KHDRBS3: variants seen among roughly 807,000 people sequenced by gnomAD.
The protein encoded by KHDRBS3 is KH domain-containing, RNA-binding, signal transduction-associated protein 3.
In KHDRBS3, 23 loss-of-function variants were observed where a neutral mutation model predicts 45.6. The ratio of observed to expected loss-of-function variants is 0.50; its 90% CI spans 0.36 to 0.72. The LOEUF is 0.72. Among genes scored for constraint, KHDRBS3 ranks in the 30% least tolerant of loss-of-function variants. The probability of loss-of-function intolerance (pLI) is 0.00; values close to 1 mark genes in which losing one functional copy is unlikely to be tolerated. For missense variants in KHDRBS3, 352 were observed against 424.8 expected (o/e 0.83, Z 1.51); for synonymous variants, 162 against 156.5 (o/e 1.04, Z -0.26).
intron 7 of KHDRBS3, chr8:135,625,416 G>A (rs554770962): frequency 5.9e-5 from 46 of 776,600 alleles, no homozygotes; most frequent in East Asian, 2.9e-4. Context: ...CTGCCTCATC[G>A]TGCCCATTGC....
intron 1 of KHDRBS3, among the ~76,000 whole-genome samples, chr8:135,501,714 GTTC>G (rs1267613841): frequency 2.0e-5 from 3 of 151,178 alleles, no homozygotes; most frequent in Non-Finnish European, 3.0e-5. Flanking sequence ...GGGATTTTTT[GTTC>G]TTCTTCTTTC....
intron 2 of KHDRBS3, among the ~76,000 whole-genome samples, chr8:135,522,741 T>C (rs12334724): frequency 0.55 from 84,110 of 152,024 alleles, 24,367 homozygotes; most frequent in East Asian, 0.78. Context: ...AATGTTAGAG[T>C]TCTTTATAAG....
At chr8:135,458,872 T>G (rs1350794377) in intron 1 of KHDRBS3, 1 of 456,236 alleles carries the variant, frequency 2.2e-6, no homozygotes, top group East Asian at 7.0e-5. Context: ...CCTGGCTTTT[T>G]CCTCCTGTGG....
chr8:135,478,473 A>G (rs942252016), intron 1 of KHDRBS3, among the ~76,000 whole-genome samples: 1 of 152,230 alleles, frequency 6.6e-6, no homozygotes, highest in African/African-American at 2.4e-5. Flanking sequence ...TTGTAAGCCA[A>G]CTAGACTCAA....
At chr8:135,565,804 C>A (rs1268148363) in intron 5 of KHDRBS3, among the ~76,000 whole-genome samples, 1 of 152,164 alleles carries the variant, frequency 6.6e-6, no homozygotes, top group East Asian at 1.9e-4. Context: ...GCTCAGCATG[C>A]CCCCTGCAGC....
At chr8:135,494,282 T>A (rs1357506041) in intron 1 of KHDRBS3, among the ~76,000 whole-genome samples, 11 of 133,596 alleles carry the variant, frequency 8.2e-5, no homozygotes, top group Admixed American at 1.5e-4. Context: ...TATTTTTTTT[T>A]TTTTTTTTTT....
intron 5 of KHDRBS3, among the ~76,000 whole-genome samples, chr8:135,576,236 C>T (rs1222157801): frequency 6.6e-6 from 1 of 152,148 alleles, no homozygotes; most frequent in Non-Finnish European, 1.5e-5. Flanking sequence ...TCTCCACTGT[C>T]GAATTCCTCA....
At chr8:135,569,902 C>A (rs1219678745) in intron 5 of KHDRBS3, among the ~76,000 whole-genome samples, 1 of 152,034 alleles carries the variant, frequency 6.6e-6, no homozygotes, top group Non-Finnish European at 1.5e-5. Context: ...ACACCAAACC[C>A]AATTCCATAC....
At chr8:135,526,787 C>A (rs1227817396) in intron 2 of KHDRBS3, among the ~76,000 whole-genome samples, 1 of 152,152 alleles carries the variant, frequency 6.6e-6, no homozygotes. Context: ...CAGCATTGGA[C>A]ACAGGAATCA....
At chr8:135,536,234 G>GTTTTTTTT (rs374782370) in intron 2 of KHDRBS3, among the ~76,000 whole-genome samples, 90 of 86,420 alleles carry the variant, frequency 1.0e-3, no homozygotes, top group Middle Eastern at 0.013. Flanking sequence ...TTTCTGTCCA[G>GTTTTTTTT]TTTTTTTTTT....
At position 135,647,203 on chromosome 8, in the gene KHDRBS3, G is replaced by T; in HGVS notation, c.*119G>T. The T allele has an allele frequency of 2.2e-5, 8 of 358,066 alleles. No homozygotes were observed. The highest frequency in any genetic ancestry group is 4.1e-5 in the Non-Finnish European group (8 of 196,726). The allele number at this position is 358,066 out of a possible 1,614,324, so 22.2% of individuals were successfully genotyped here. A position where few individuals can be genotyped will look rare whatever the true frequency, so the allele number is the denominator to read the frequency against. On this transcript the variant is annotated 3_prime_UTR_variant, in exon 9 of 9. Transcript: ENST00000355849. Reference sequence around the variant, plus strand: ...AATCAGAATGCTTAAAATCTGAATGGATGGAACTTAAAACTACTTTGTTGA... The same window carrying T: ...AATCAGAATGCTTAAAATCTGAATGTATGGAACTTAAAACTACTTTGTTGA...
intron 1 of KHDRBS3, among the ~76,000 whole-genome samples, chr8:135,469,512 TTTTTGTTTTGG>T (rs1563699565): frequency 1.3e-4 from 3 of 22,426 alleles, no homozygotes; most frequent in Non-Finnish European, 2.1e-4. Flanking sequence ...TGGTGTTTTT[TTTTTGTTTTGG>T]TTTTTTTTTT....
At chr8:135,591,877 A>G (rs1397596287) in intron 6 of KHDRBS3, among the ~76,000 whole-genome samples, 1 of 152,234 alleles carries the variant, frequency 6.6e-6, no homozygotes, top group Non-Finnish European at 1.5e-5. Context: ...GACTACTCAC[A>G]TAATTTTTGA....
chr8:135,457,824 CG>C lies in KHDRBS3; in HGVS notation c.-42del. ...TCGGGGGTTGCCGGGCGCCGCCCCC[CG>C]TGCGCCTGGAGTCCACATCCCGGGC... On this transcript the variant is annotated 5_prime_UTR_variant, in exon 1 of 9. Coordinates refer to ENST00000355849, the MANE Select transcript of KHDRBS3 (RefSeq NM_006558.3). The surrounding 1 kb of genome is among the most constrained non-coding windows in gnomAD (Gnocchi z 4.4). The C allele has an allele frequency of 7.3e-7, 1 of 1,373,826 alleles. No individual in the cohort carries two copies. The highest frequency in any genetic ancestry group is 9.8e-7 in the Non-Finnish European group (1 of 1,021,890). 85.1% of individuals were successfully genotyped at this position (1,373,826 alleles called of 1,614,324 possible).
intron 6 of KHDRBS3, among the ~76,000 whole-genome samples, chr8:135,587,657 G>T (rs1828542696): frequency 6.6e-6 from 1 of 152,034 alleles, no homozygotes; most frequent in Non-Finnish European, 1.5e-5. Flanking sequence ...AATTAATTAG[G>T]ATAACCCAGT....
intron 1 of KHDRBS3, among the ~76,000 whole-genome samples, chr8:135,473,035 AG>A (rs1033668475): frequency 6.6e-5 from 5 of 75,470 alleles, no homozygotes; most frequent in African/African-American, 2.9e-4. Flanking sequence ...TTATTTGAAA[AG>A]TTTTTTTTTT....
At chr8:135,536,966 CA>C (rs869256475) in intron 2 of KHDRBS3, among the ~76,000 whole-genome samples, 9 of 11,780 alleles carry the variant, frequency 7.6e-4, no homozygotes, top group African/African-American at 1.2e-3. Flanking sequence ...AACTCCATCT[CA>C]AAAAAAAAAA....
intron 1 of KHDRBS3, among the ~76,000 whole-genome samples, chr8:135,516,049 T>G (rs1009286431): frequency 1.3e-5 from 2 of 152,236 alleles, no homozygotes; most frequent in African/African-American, 4.8e-5. Context: ...CTAGGTGATA[T>G]AGCCTGTTGC....
At chr8:135,473,288 G>A (rs1045954710) in intron 1 of KHDRBS3, among the ~76,000 whole-genome samples, 3 of 152,040 alleles carry the variant, frequency 2.0e-5, no homozygotes, top group African/African-American at 7.3e-5. Flanking sequence ...ACTTGGACTT[G>A]GTTCACACTT....
Sources: allele counts gnomAD v4.1 joint callset (sites outside exome capture counted in the v4.1 genomes callset), GRCh38; gene constraint gnomAD v4.1.1; non-coding constraint Gnocchi (gnomAD v3.1); transcripts MANE v1.5; gene names NCBI Gene and HGNC (gene_info 2026-07-23, HGNC 2026-07-21).